The following GRXCR1 variants were observed in gnomAD, a reference collection of about 807,000 sequenced individuals.
GRXCR1 encodes the protein glutaredoxin and cysteine rich domain containing 1.
In GRXCR1, 27 loss-of-function variants were observed where a neutral mutation model predicts 27.3. The observed-to-expected ratio is 0.99, with a 90% CI of 0.73 to 1.37. GRXCR1 has a LOEUF of 1.37. GRXCR1 is among the 40% of genes most tolerant of loss of function. The pLI is 0.00. For missense variants in GRXCR1, 379 were observed against 354.4 expected, an observed-to-expected ratio of 1.07 and a Z score of -0.56; for synonymous variants, 122 against 131.1, an observed-to-expected ratio of 0.93 and a Z score of 0.47.
intron 1 of GRXCR1, among the ~76,000 whole-genome samples, chr4:42,901,186 T>C (rs905146337): frequency 1.3e-5 from 2 of 152,210 alleles, no homozygotes; most frequent in Non-Finnish European, 2.9e-5. Context: ...GGTATCCATA[T>C]TCAGAAGAGA....
chr4:42,937,749 T>C (rs556229138), intron 1 of GRXCR1, among the ~76,000 whole-genome samples: 8 of 152,104 alleles, frequency 5.3e-5, no homozygotes, highest in Middle Eastern at 6.8e-3. Context: ...CTCATATACA[T>C]GTATAGCAAT....
intron 2 of GRXCR1, among the ~76,000 whole-genome samples, chr4:42,991,680 C>T (rs1711979576): frequency 6.6e-6 from 1 of 152,064 alleles, no homozygotes; most frequent in Non-Finnish European, 1.5e-5. Flanking sequence ...AGAAGACTTT[C>T]TCTGTGTAAT....
intron 2 of GRXCR1, among the ~76,000 whole-genome samples, chr4:42,979,800 G>A (rs1748606986): frequency 6.6e-6 from 1 of 151,842 alleles, no homozygotes; most frequent in African/African-American, 2.4e-5. Flanking sequence ...CAGGTCTTGG[G>A]CTTTTGTATG....
chr4:43,018,798 T>C (rs776099988), intron 2 of GRXCR1, among the ~76,000 whole-genome samples: 16 of 152,208 alleles, frequency 1.1e-4, no homozygotes, highest in Non-Finnish European at 1.9e-4. Flanking sequence ...AAGTAAAATG[T>C]TACCAGTTAT....
intron 2 of GRXCR1, among the ~76,000 whole-genome samples, chr4:42,982,199 T>TC (rs993172239): frequency 5.3e-5 from 7 of 132,208 alleles, no homozygotes; most frequent in African/African-American, 1.9e-4. Context: ...ATGCTATCCC[T>TC]CCCCCCTCCC....
At chr4:42,911,696 T>C (rs919574310) in intron 1 of GRXCR1, among the ~76,000 whole-genome samples, 1 of 152,146 alleles carries the variant, frequency 6.6e-6, no homozygotes, top group Admixed American at 6.6e-5. Flanking sequence ...GTACACCCAT[T>C]AGCTGTGAAA....
chr4:42,980,815 G>A (rs116376129), intron 2 of GRXCR1, among the ~76,000 whole-genome samples: 2,035 of 152,092 alleles, frequency 0.013, 28 homozygotes, highest in Non-Finnish European at 0.023. Flanking sequence ...AGATGCTCCA[G>A]TGTTATGTGC....
chr4:42,958,666 A>G lies in GRXCR1; in HGVS notation c.385-4226A>G, dbSNP rs549874598. Among the ~76,000 whole-genome samples, 10 of 152,140 alleles carry G rather than the reference A, an allele frequency of 6.6e-5. No homozygotes were observed. The South Asian group carries it at 1.2e-3, about 19-fold the overall frequency. Reference sequence around the variant, plus strand: ...GAAAATATTCGTGAGCCATATATAGATAAGGGGTTAATATCCCAAGTATTT... The same window carrying G: ...GAAAATATTCGTGAGCCATATATAGGTAAGGGGTTAATATCCCAAGTATTT... On this transcript the variant is annotated intron_variant, in intron 1 of 3. Coordinates refer to ENST00000399770, the MANE Select transcript of GRXCR1 (RefSeq NM_001080476.3).
intron 1 of GRXCR1, among the ~76,000 whole-genome samples, chr4:42,937,512 A>AATG (rs1747488937): frequency 6.6e-6 from 1 of 151,934 alleles, no homozygotes; most frequent in African/African-American, 2.4e-5. Flanking sequence ...AAGGAAATAT[A>AATG]TGTGGGTATG....
intron 1 of GRXCR1, among the ~76,000 whole-genome samples, chr4:42,917,462 T>G (rs921265333): frequency 2.0e-5 from 3 of 152,200 alleles, no homozygotes; most frequent in Non-Finnish European, 4.4e-5. Flanking sequence ...GTGAAAATGC[T>G]GTATATCTGC....
At chr4:42,952,978 G>C (rs939789541) in intron 1 of GRXCR1, among the ~76,000 whole-genome samples, 6 of 152,056 alleles carry the variant, frequency 3.9e-5, no homozygotes, top group Admixed American at 3.9e-4. Context: ...GAATTTGAGC[G>C]GTCCTACGTC....
chr4:42,990,139 T>G (rs571579063), intron 2 of GRXCR1, among the ~76,000 whole-genome samples: 1 of 150,050 alleles, frequency 6.7e-6, no homozygotes, highest in African/African-American at 2.4e-5. Flanking sequence ...CTTTTGATGT[T>G]CATTGTGCAA....
chr4:42,913,889 C>T (rs1226183803), intron 1 of GRXCR1, among the ~76,000 whole-genome samples: 6 of 152,220 alleles, frequency 3.9e-5, no homozygotes, highest in Non-Finnish European at 8.8e-5. Flanking sequence ...CAATGTATAG[C>T]TCACATCATT....
chr4:43,022,485 G>A (rs952219003), intron 3 of GRXCR1, among the ~76,000 whole-genome samples: 2 of 152,284 alleles, frequency 1.3e-5, no homozygotes, highest in Admixed American at 1.3e-4. Flanking sequence ...TTCTACAGAT[G>A]ACATAAATAA....
intron 3 of GRXCR1, among the ~76,000 whole-genome samples, chr4:43,026,953 T>C (rs964332012): frequency 6.6e-6 from 1 of 152,154 alleles, no homozygotes; most frequent in African/African-American, 2.4e-5. Flanking sequence ...ACAACAGAAA[T>C]AGCACATGAA....
chr4:42,945,070 T>C (rs1747711707), intron 1 of GRXCR1, among the ~76,000 whole-genome samples: 1 of 152,260 alleles, frequency 6.6e-6, no homozygotes, highest in Middle Eastern at 3.4e-3. Flanking sequence ...ATTAGCGCTC[T>C]TATAAAAGAG....
At chr4:42,974,712 T>A (rs575087386) in intron 2 of GRXCR1, among the ~76,000 whole-genome samples, 1 of 152,146 alleles carries the variant, frequency 6.6e-6, no homozygotes, top group East Asian at 1.9e-4. Context: ...AGAGTCGGGA[T>A]TAGAGGAACG....
chr4:42,921,342 A>G (rs972347149), intron 1 of GRXCR1, among the ~76,000 whole-genome samples: 2 of 152,208 alleles, frequency 1.3e-5, no homozygotes, highest in Non-Finnish European at 2.9e-5. Context: ...CACCCAGTTT[A>G]TGGTATTTTG....
At chr4:43,014,730 G>A (rs899023335) in intron 2 of GRXCR1, among the ~76,000 whole-genome samples, 4 of 152,004 alleles carry the variant, frequency 2.6e-5, no homozygotes, top group Non-Finnish European at 2.9e-5. Context: ...GATGTGCCTT[G>A]GCTTGTTTTT....
Sources: allele counts gnomAD v4.1 joint callset (sites outside exome capture counted in the v4.1 genomes callset), GRCh38; gene constraint gnomAD v4.1.1; transcripts MANE v1.5; gene names NCBI Gene and HGNC (gene_info 2026-07-23, HGNC 2026-07-21).